The following RIT2 variants were observed in gnomAD, a reference collection of about 807,000 sequenced individuals.
RIT2 encodes the protein GTP-binding protein Rit2.
RIT2 carries 24 observed loss-of-function variants against 23.7 expected under a neutral mutation model. The ratio of observed to expected loss-of-function variants is 1.01; its 90% CI spans 0.73 to 1.43. RIT2 has a LOEUF of 1.43. Among genes scored for constraint, RIT2 ranks in the 40% most tolerant of loss-of-function variants. RIT2 has a pLI of 0.00. For synonymous variants in RIT2, 107 were observed against 91.1 expected, an observed-to-expected ratio of 1.17 and a Z score of -0.99; for missense variants, 236 against 266.9, an observed-to-expected ratio of 0.88 and a Z score of 0.81.
chr18:42,992,015 C>T (rs563209474), intron 2 of RIT2, among the ~76,000 whole-genome samples: 29 of 152,126 alleles, frequency 1.9e-4, no homozygotes, highest in African/African-American at 6.7e-4. Context: ...TGTCTGTGCC[C>T]CAACCCCTTA....
intron 2 of RIT2, among the ~76,000 whole-genome samples, chr18:42,983,279 C>T (rs1486612301): frequency 6.6e-6 from 1 of 152,052 alleles, no homozygotes; most frequent in African/African-American, 2.4e-5. Context: ...GCGTTTTTAA[C>T]CAGTGGTGTG....
chr18:43,063,188 T>TA (rs1249194036), intron 1 of RIT2, among the ~76,000 whole-genome samples: 3 of 152,186 alleles, frequency 2.0e-5, no homozygotes, highest in Non-Finnish European at 4.4e-5. Flanking sequence ...TAATACATCT[T>TA]ATAAATTTCA....
intron 3 of RIT2, among the ~76,000 whole-genome samples, chr18:42,942,273 T>C (rs560743024): frequency 6.6e-6 from 1 of 152,266 alleles, no homozygotes; most frequent in Admixed American, 6.5e-5. Flanking sequence ...TGGTTGCTGC[T>C]GGCAGGACTC....
chr18:43,058,605 C>T (rs1214071086), intron 1 of RIT2, among the ~76,000 whole-genome samples: 2 of 152,004 alleles, frequency 1.3e-5, no homozygotes, highest in Non-Finnish European at 1.5e-5. Flanking sequence ...AACTGTTTCT[C>T]GTCAGGTGCA....
At chr18:42,971,893 T>C (rs1910369622) in intron 3 of RIT2, among the ~76,000 whole-genome samples, 1 of 152,024 alleles carries the variant, frequency 6.6e-6, no homozygotes, top group African/African-American at 2.4e-5. Flanking sequence ...TAGTCAAGTC[T>C]ACATCAATAG....
chr18:43,004,166 T>C (rs1911174120), intron 2 of RIT2, among the ~76,000 whole-genome samples: 1 of 151,866 alleles, frequency 6.6e-6, no homozygotes, highest in Non-Finnish European at 1.5e-5. Flanking sequence ...TCATTTCATA[T>C]TACTGTATTT....
At chr18:43,041,106 C>G (rs894862950) in intron 1 of RIT2, among the ~76,000 whole-genome samples, 1 of 152,016 alleles carries the variant, frequency 6.6e-6, no homozygotes, top group African/African-American at 2.4e-5. Context: ...TTCAGGTTAA[C>G]TATGTGGTCA....
At position 43,018,606 on chromosome 18, in the gene RIT2, G is replaced by C. The variant is rs147294358; in HGVS notation, c.160+15205C>G. ...AGCAGAAACCTGACAGTCCAGGAGA[G>C]AATGAAAAGACATATTTAAAGTGCT... On this transcript the variant is annotated intron_variant, in intron 2 of 4. Transcript: ENST00000326695. 2.2e-3 allele frequency among the ~76,000 whole-genome samples: 338 copies of C among 151,910 alleles called. 1 individual carries two copies. Among genetic ancestry groups the C allele is most frequent in the Non-Finnish European group, 3.5e-3 (238 of 67,908 alleles).
intron 2 of RIT2, among the ~76,000 whole-genome samples, chr18:43,017,524 T>C (rs2144261675): frequency 6.6e-6 from 1 of 152,174 alleles, no homozygotes; most frequent in East Asian, 1.9e-4. Context: ...CAAAGATGGT[T>C]AACTAAATAT....
intron 4 of RIT2, among the ~76,000 whole-genome samples, chr18:42,879,617 T>A (rs1031704742): frequency 3.3e-5 from 5 of 152,084 alleles, no homozygotes; most frequent in African/African-American, 1.2e-4. Context: ...ATTTTGTTAC[T>A]TTTTTGAGTT....
rs1912924925 is a variant in RIT2 at position 42,746,713 on chromosome 18, A to G, written c.427-2993T>C. ...AGTACACAAGAGACAGAAAGAGGAA[A>G]TCCTGTCTAAATCATTATTTGAAGC... On this transcript the variant is annotated intron_variant, in intron 4 of 4. Transcript: ENST00000326695. 2.0e-5 allele frequency among the ~76,000 whole-genome samples: 3 copies of G among 152,198 alleles called. No individual in the cohort carries two copies. The South Asian group carries it at 6.2e-4, about 32-fold the overall frequency.
chr18:42,886,295 A>G (rs747198926), intron 4 of RIT2, among the ~76,000 whole-genome samples: 3 of 152,222 alleles, frequency 2.0e-5, no homozygotes, highest in Non-Finnish European at 4.4e-5. Flanking sequence ...CCGAAATTCT[A>G]TTGCGCGCAG....
chr18:43,000,826 CT>C (rs1420043286), intron 2 of RIT2, among the ~76,000 whole-genome samples: 13 of 151,940 alleles, frequency 8.6e-5, no homozygotes, highest in Admixed American at 1.3e-4. Context: ...AGCCTTTCTC[CT>C]TTAAAAATTA....
intron 3 of RIT2, among the ~76,000 whole-genome samples, chr18:42,960,114 A>G (rs1910062197): frequency 6.6e-6 from 1 of 152,222 alleles, no homozygotes; most frequent in Non-Finnish European, 1.5e-5. Context: ...TAGATTCCCA[A>G]GGACACAGGA....
At chr18:42,755,548 G>T (rs1015956993) in intron 4 of RIT2, among the ~76,000 whole-genome samples, 1 of 152,012 alleles carries the variant, frequency 6.6e-6, no homozygotes, top group Non-Finnish European at 1.5e-5. Flanking sequence ...GATAGGAAGG[G>T]CACTTAATTA....
intron 4 of RIT2, among the ~76,000 whole-genome samples, chr18:42,755,734 C>T (rs1334817303): frequency 2.0e-5 from 3 of 152,138 alleles, no homozygotes; most frequent in South Asian, 2.1e-4. Context: ...CACTGGAACC[C>T]AGGCCATGAG....
At chr18:42,942,393 G>T (rs1245454103) in intron 3 of RIT2, among the ~76,000 whole-genome samples, 1 of 152,126 alleles carries the variant, frequency 6.6e-6, no homozygotes, top group Non-Finnish European at 1.5e-5. Context: ...CAGGAGTCCA[G>T]TATCTTGCCT....
At chr18:42,920,728 G>A in intron 4 of RIT2, 1 of 1,596,080 alleles carries the variant, frequency 6.3e-7, no homozygotes, top group South Asian at 1.1e-5. Context: ...TCAACCATCA[G>A]AATTCTTCCC....
At chr18:42,833,023 C>T (rs1906502912) in intron 4 of RIT2, among the ~76,000 whole-genome samples, 2 of 140,560 alleles carry the variant, frequency 1.4e-5, no homozygotes. Context: ...CACTGCACTC[C>T]AGCCTGGGTG....
Sources: allele counts gnomAD v4.1 joint callset (sites outside exome capture counted in the v4.1 genomes callset), GRCh38; gene constraint gnomAD v4.1.1; transcripts MANE v1.5; gene names NCBI Gene and HGNC (gene_info 2026-07-23, HGNC 2026-07-21).